NUMB: variants seen among roughly 807,000 people sequenced by gnomAD.
NUMB encodes protein numb homolog.
NUMB carries 29 observed loss-of-function variants against 59.7 expected under a neutral mutation model. That is an observed-to-expected ratio of 0.49 (90% CI 0.36 to 0.66). The LOEUF (loss-of-function observed/expected upper bound fraction) is 0.66. NUMB is among the 30% of genes least tolerant of loss of function. NUMB has a pLI of 0.00. For missense variants in NUMB, 723 were observed against 822.0 expected (o/e 0.88, Z 1.47); for synonymous variants, 288 against 288.2 (o/e 1.00, Z 0.01).
In NUMB at chr14:73,429,168, G is replaced by A. The variant is rs554670901; in HGVS notation, c.-232-19100C>T. Among the ~76,000 whole-genome samples the A allele has an allele frequency of 1.5e-3, 228 of 151,492 alleles. 1 individual carries two copies. The highest frequency in any genetic ancestry group is 5.3e-3 in the African/African-American group (219 of 41,458). On this transcript the variant is annotated intron_variant, in intron 1 of 12. Transcript: ENST00000555238. ...GGGCGGATCGCGAGGTCAGGAGATC[G>A]AGACCATCCTGGCTAACATGGTGAA...
intron 1 of NUMB, among the ~76,000 whole-genome samples, chr14:73,431,258 CTTTT>C (rs546689222): frequency 7.9e-6 from 1 of 127,384 alleles, no homozygotes. Context: ...CTTGGCTTTT[CTTTT>C]TTTTTTTTTT....
chr14:73,436,763 G>A lies in NUMB; in HGVS notation c.-233+21730C>T, dbSNP rs369877284. On this transcript the variant is annotated intron_variant, in intron 1 of 12. Transcript: ENST00000555238. Reference sequence around the variant, plus strand: ...TCGGAGGCTGAGGCGGGCGGATCACGAGGTCAAGAGATCAAGACCATCCTG... The same window carrying A: ...TCGGAGGCTGAGGCGGGCGGATCACAAGGTCAAGAGATCAAGACCATCCTG... 3.4e-4 allele frequency among the ~76,000 whole-genome samples: 52 copies of A among 151,674 alleles called. 1 individual carries two copies. The East Asian group carries it at 9.5e-3, about 28-fold the overall frequency.
chr14:73,418,964 C>G lies in NUMB; in HGVS notation c.-232-8896G>C, dbSNP rs1897242237. On this transcript the variant is annotated intron_variant, in intron 1 of 12. Coordinates refer to ENST00000555238, the MANE Select transcript of NUMB (RefSeq NM_001005743.2). Reference sequence around the variant, plus strand: ...GTCATCAAGAATAGGACCAAAGAGTCACCCTTATAGTTCAAAGCATAATTA... The same window carrying G: ...GTCATCAAGAATAGGACCAAAGAGTGACCCTTATAGTTCAAAGCATAATTA... Among the ~76,000 whole-genome samples, 5 of 152,146 alleles carry G rather than the reference C, an allele frequency of 3.3e-5. No homozygotes were observed. In the South Asian group the frequency reaches 1.0e-3, roughly 32 times the overall value.
chr14:73,289,544 G>A (rs959302548), intron 8 of NUMB, among the ~76,000 whole-genome samples: 2 of 152,136 alleles, frequency 1.3e-5, no homozygotes, highest in African/African-American at 2.4e-5. Flanking sequence ...TCCTACACAC[G>A]GCTCTGAACA....
At chr14:73,348,333 A>C (rs1209450300) in intron 4 of NUMB, among the ~76,000 whole-genome samples, 1 of 152,232 alleles carries the variant, frequency 6.6e-6, no homozygotes, top group Non-Finnish European at 1.5e-5. Context: ...TCAAAAAGCC[A>C]TTTGGAAAGG....
At chr14:73,396,321 GGTGTGTGTGTGTGTGTGT>G (rs200195176) in intron 2 of NUMB, among the ~76,000 whole-genome samples, 2,747 of 144,312 alleles carry the variant, frequency 0.019, 83 homozygotes, top group African/African-American at 0.066. Context: ...AATTATTAGG[GGTGTGTGTGTGTGTGTGT>G]GTGTGTGTGT....
chr14:73,453,086 T>C (rs757493126), intron 1 of NUMB, among the ~76,000 whole-genome samples: 12 of 152,122 alleles, frequency 7.9e-5, no homozygotes, highest in Non-Finnish European at 1.6e-4. Flanking sequence ...AATCCTCCTT[T>C]TGCCTCAAGA....
intron 4 of NUMB, among the ~76,000 whole-genome samples, chr14:73,352,924 A>T (rs2140011838): frequency 6.6e-6 from 1 of 151,264 alleles, no homozygotes; most frequent in East Asian, 1.9e-4. Flanking sequence ...AAGAACAGAA[A>T]CTATGTCTTT....
chr14:73,436,910 C>T (rs1898078198), intron 1 of NUMB, among the ~76,000 whole-genome samples: 1 of 150,820 alleles, frequency 6.6e-6, no homozygotes, highest in African/African-American at 2.4e-5. Flanking sequence ...ACCCAGGAGG[C>T]GGAGGTTGCA....
At chr14:73,447,935 A>G (rs551619789) in intron 1 of NUMB, among the ~76,000 whole-genome samples, 23 of 151,966 alleles carry the variant, frequency 1.5e-4, no homozygotes, top group African/African-American at 5.1e-4. Context: ...TAGCTGGGAC[A>G]ACAGGCATGC....
chr14:73,368,701 T>C (rs970797894), intron 2 of NUMB, among the ~76,000 whole-genome samples: 1 of 152,000 alleles, frequency 6.6e-6, no homozygotes, highest in African/African-American at 2.4e-5. Flanking sequence ...GTACAGAAAA[T>C]TACTGACATA....
chr14:73,374,428 T>C (rs61985811), intron 2 of NUMB, among the ~76,000 whole-genome samples: 23,805 of 152,146 alleles, frequency 0.16, 2,694 homozygotes, highest in Non-Finnish European at 0.23. Context: ...GGTCCAAGGA[T>C]AGCCCACAGG....
intron 1 of NUMB, among the ~76,000 whole-genome samples, chr14:73,449,151 C>G (rs911896033): frequency 6.6e-6 from 1 of 152,034 alleles, no homozygotes; most frequent in Non-Finnish European, 1.5e-5. Context: ...ATGGCAAAAG[C>G]TGTAATTACT....
chr14:73,405,435 C>CTTTTTTT (rs56778084), intron 2 of NUMB, among the ~76,000 whole-genome samples: 3 of 127,432 alleles, frequency 2.4e-5, no homozygotes, highest in Non-Finnish European at 4.8e-5. Context: ...TTTTCTTTCT[C>CTTTTTTT]TTTTTTTTTT....
chr14:73,364,323 G>A (rs1884039382), intron 3 of NUMB, among the ~76,000 whole-genome samples: 1 of 151,882 alleles, frequency 6.6e-6, no homozygotes, highest in South Asian at 2.1e-4. Context: ...GGCCAACATG[G>A]TGAAACCCCA....
chr14:73,437,363 C>T (rs1488504070), intron 1 of NUMB, among the ~76,000 whole-genome samples: 1 of 152,100 alleles, frequency 6.6e-6, no homozygotes, highest in African/African-American at 2.4e-5. Flanking sequence ...GTGCTCAGTC[C>T]ATATTCATCT....
intron 4 of NUMB, among the ~76,000 whole-genome samples, chr14:73,354,709 T>C (rs1893677960): frequency 6.7e-6 from 1 of 149,674 alleles, no homozygotes; most frequent in Non-Finnish European, 1.5e-5. Context: ...ACGCCTGTAG[T>C]CCCTGCTACT....
At chr14:73,443,581 G>A (rs143844640) in intron 1 of NUMB, among the ~76,000 whole-genome samples, 7,377 of 145,148 alleles carry the variant, frequency 0.051, 608 homozygotes, top group African/African-American at 0.18. Flanking sequence ...GGCAACAAGA[G>A]CAAAACTCCA....
chr14:73,281,710 G>A (rs1339346017), intron 11 of NUMB, among the ~76,000 whole-genome samples: 3 of 152,194 alleles, frequency 2.0e-5, no homozygotes, highest in South Asian at 2.1e-4. Context: ...TAAGACACTT[G>A]TTATAGAAGA....
Sources: gnomAD v4.1 joint callset for allele counts (sites outside exome capture counted in the v4.1 genomes callset) on GRCh38, gnomAD v4.1.1 for gene constraint, MANE v1.5 for transcripts, NCBI Gene and HGNC (gene_info 2026-07-23, HGNC 2026-07-21) for gene names.